PTPRQ: variants seen among roughly 807,000 people sequenced by gnomAD.
PTPRQ encodes the protein protein tyrosine phosphatase receptor type Q.
Under a neutral mutation model 246.0 loss-of-function variants are expected in PTPRQ, and 199 were observed. The observed-to-expected ratio is 0.81, with a 90% confidence interval of 0.72 to 0.91. PTPRQ has a LOEUF of 0.91. Ranked by LOEUF, PTPRQ falls within the 40% of genes least tolerant of loss-of-function variation. The pLI is 0.00. For missense variants in PTPRQ, 2,624 were observed against 2,528.4 expected, an observed-to-expected ratio of 1.04 and a Z score of -0.81; for synonymous variants, 869 against 853.2, an observed-to-expected ratio of 1.02 and a Z score of -0.32.
At chr12:80,449,325 T>C (rs1272512791) in intron 3 of PTPRQ, among the ~76,000 whole-genome samples, 1 of 152,176 alleles carries the variant, frequency 6.6e-6, no homozygotes, top group Non-Finnish European at 1.5e-5. Flanking sequence ...TTTTTTGGGT[T>C]GCCTGTTCAC....
chr12:80,472,373 A>C, intron 8 of PTPRQ, 122 bp downstream of exon 8: 18 of 1,322,720 alleles, frequency 1.4e-5, no homozygotes, highest in Middle Eastern at 3.6e-4. Flanking sequence ...TTCCTTATTA[A>C]ATTACTACCT....
At chr12:80,535,364 T>C (rs1271802105) in intron 19 of PTPRQ, among the ~76,000 whole-genome samples, 1 of 152,188 alleles carries the variant, frequency 6.6e-6, no homozygotes, top group Non-Finnish European at 1.5e-5. Flanking sequence ...TTCTCTAAAG[T>C]GCTGATGGTA....
intron 10 of PTPRQ, among the ~76,000 whole-genome samples, chr12:80,493,792 T>C (rs534278074): frequency 3.9e-4 from 59 of 152,048 alleles, no homozygotes; most frequent in Non-Finnish European, 6.9e-4. Context: ...TCACATTCTC[T>C]ACAGCTTTTG....
intron 23 of PTPRQ, among the ~76,000 whole-genome samples, chr12:80,544,018 C>T (rs896348134): frequency 2.0e-5 from 3 of 151,928 alleles, no homozygotes; most frequent in African/African-American, 7.3e-5. Context: ...TAATTGTGTA[C>T]GTGTGTTAGA....
At chr12:80,554,111 T>C (rs1407711586) in intron 25 of PTPRQ, among the ~76,000 whole-genome samples, 1 of 151,970 alleles carries the variant, frequency 6.6e-6, no homozygotes, top group Non-Finnish European at 1.5e-5. Flanking sequence ...TGGTTAAGGA[T>C]ACAAAAACGC....
At chr12:80,559,031 C>G (rs549878549) in intron 25 of PTPRQ, among the ~76,000 whole-genome samples, 2 of 152,118 alleles carry the variant, frequency 1.3e-5, no homozygotes, top group Admixed American at 1.3e-4. Context: ...CAGGCTGTAG[C>G]TTGTCTTTTC....
intron 17 of PTPRQ, among the ~76,000 whole-genome samples, chr12:80,526,631 C>T (rs1012920649): frequency 3.3e-5 from 5 of 152,002 alleles, no homozygotes; most frequent in African/African-American, 1.2e-4. Flanking sequence ...AACTGAAGAA[C>T]AGACAGTTTG....
chr12:80,461,283 C>A (rs904478527), intron 6 of PTPRQ, among the ~76,000 whole-genome samples: 1 of 152,130 alleles, frequency 6.6e-6, no homozygotes, highest in Non-Finnish European at 1.5e-5. Context: ...ACTAGCAGAA[C>A]GAGCATGTGA....
intron 33 of PTPRQ, among the ~76,000 whole-genome samples, chr12:80,624,773 C>T (rs867656628): frequency 5.3e-5 from 8 of 152,140 alleles, no homozygotes; most frequent in Admixed American, 1.3e-4. Flanking sequence ...GTCCATTTGA[C>T]ATTGATAGAA....
intron 9 of PTPRQ, among the ~76,000 whole-genome samples, chr12:80,487,931 A>G (rs1894330275): frequency 6.6e-6 from 1 of 152,102 alleles, no homozygotes; most frequent in African/African-American, 2.4e-5. Context: ...GGCTGCAAGT[A>G]AGAAACTAGC....
At chr12:80,667,957 A>G (rs1900838381) in intron 39 of PTPRQ, among the ~76,000 whole-genome samples, 1 of 151,918 alleles carries the variant, frequency 6.6e-6, no homozygotes, top group South Asian at 2.1e-4. Flanking sequence ...AATTTGGGAA[A>G]ATCACCTAAA....
chr12:80,445,493 C>T lies in PTPRQ; in HGVS notation c.166C>T (p.Pro56Ser), dbSNP rs1207439614. The T allele has an allele frequency of 6.6e-7, 1 of 1,522,614 alleles. No individual in the cohort carries two copies. Among genetic ancestry groups the T allele is most frequent in the Non-Finnish European group, 8.8e-7 (1 of 1,135,532 alleles). 94.3% of individuals were successfully genotyped at this position (1,522,614 alleles called of 1,614,324 possible). A position where few individuals can be genotyped will look rare whatever the true frequency, so the allele number is the denominator to read the frequency against. Reference sequence around the variant, plus strand: ...CAAAATGGATTTTTTAAAAATAGAACCAGGGCCTCCAGTCTTCCTAGCCGG... The same window carrying T: ...CAAAATGGATTTTTTAAAAATAGAATCAGGGCCTCCAGTCTTCCTAGCCGG... Reference protein sequence around the residue: ...TRIVTTNVTKPGPPVFLAGER... With the variant: ...TRIVTTNVTKSGPPVFLAGER... The change falls in exon 3 of 45, where the codon CCA (proline) becomes TCA (serine). Residue 56 changes from proline (P) to serine (S), a missense_variant and splice_region_variant. Pro to Ser is a moderately conservative substitution (Grantham distance 74, BLOSUM62 -1). Coordinates refer to ENST00000644991, the MANE Select transcript of PTPRQ (RefSeq NM_001145026.2).
At chr12:80,593,017 A>G (rs1177075500) in intron 26 of PTPRQ, among the ~76,000 whole-genome samples, 3 of 152,178 alleles carry the variant, frequency 2.0e-5, no homozygotes, top group Non-Finnish European at 4.4e-5. Flanking sequence ...TCTCAAAAAT[A>G]AAATAAAAAT....
rs549765518 is a variant in PTPRQ, at chr12:80,595,581, A to C, written c.4609+7129A>C. Among the ~76,000 whole-genome samples the C allele has an allele frequency of 5.3e-5, 8 of 152,040 alleles. No individual in the cohort carries two copies. The South Asian group carries it at 1.5e-3, about 28-fold the overall frequency. On this transcript the variant is annotated intron_variant, in intron 26 of 44. Transcript: ENST00000644991. ...CCAGTATATATTTATTATTATTATTATACTTTAAGTTTTAGGGTACATGTG... is the reference window on the plus strand; with the variant it reads ...CCAGTATATATTTATTATTATTATTCTACTTTAAGTTTTAGGGTACATGTG...
At chr12:80,522,779 G>A (rs61951988) in intron 17 of PTPRQ, among the ~76,000 whole-genome samples, 6,825 of 152,168 alleles carry the variant, frequency 0.045, 174 homozygotes, top group Middle Eastern at 0.088. Context: ...ATTTTATTGA[G>A]GATTTTTGCA....
intron 8 of PTPRQ, among the ~76,000 whole-genome samples, chr12:80,481,141 A>T (rs1412855612): frequency 2.6e-5 from 4 of 152,142 alleles, no homozygotes; most frequent in African/African-American, 7.2e-5. Flanking sequence ...TACTGGCAAA[A>T]CGAATCCAGC....
chr12:80,471,218 C>T (rs1256190738), intron 7 of PTPRQ, among the ~76,000 whole-genome samples: 1 of 152,006 alleles, frequency 6.6e-6, no homozygotes, highest in East Asian at 1.9e-4. Context: ...ACACCTACCA[C>T]ACCTAAAGGC....
At chr12:80,459,932 GTT>G (rs1378479171) in intron 5 of PTPRQ, among the ~76,000 whole-genome samples, 1 of 152,132 alleles carries the variant, frequency 6.6e-6, no homozygotes, top group Non-Finnish European at 1.5e-5. Context: ...AATAGTTGAG[GTT>G]AAATTTGCAG....
intron 17 of PTPRQ, among the ~76,000 whole-genome samples, chr12:80,529,747 C>T (rs1217333010): frequency 6.6e-5 from 10 of 151,870 alleles, no homozygotes; most frequent in Admixed American, 4.6e-4. Flanking sequence ...CTTTTTTTGG[C>T]GTTACCCATG....
Sources: gnomAD v4.1 joint callset for allele counts (sites outside exome capture counted in the v4.1 genomes callset) on GRCh38, gnomAD v4.1.1 for gene constraint, MANE v1.5 for transcripts, NCBI Gene and HGNC (gene_info 2026-07-23, HGNC 2026-07-21) for gene names.